The following KLF8 variants were observed in gnomAD, a reference collection of about 807,000 sequenced individuals.
The protein encoded by KLF8 is KLF transcription factor 8.
In KLF8, 10 loss-of-function variants were observed where a neutral mutation model predicts 18.2. The ratio of observed to expected loss-of-function variants is 0.55; its 90% CI spans 0.34 to 0.93. The LOEUF (loss-of-function observed/expected upper bound fraction) is 0.93. Among genes scored for constraint, KLF8 ranks in the 40% least tolerant of loss-of-function variants. The pLI is 0.02. For missense variants in KLF8, 264 were observed against 277.9 expected, an observed-to-expected ratio of 0.95 and a Z score of 0.36; for synonymous variants, 109 against 97.3, an observed-to-expected ratio of 1.12 and a Z score of -0.71.
At chrX:56,199,638 A>G in the KLF8 span, among the ~76,000 whole-genome samples, 1 of 111,855 alleles carries the variant, frequency 8.9e-6, no homozygotes, top group Non-Finnish European at 1.9e-5. Flanking sequence ...TGGTGGGAGT[A>G]TAGATTAGCT....
the KLF8 span, among the ~76,000 whole-genome samples, chrX:56,005,204 G>A: frequency 9.1e-6 from 1 of 110,244 alleles, no homozygotes; most frequent in Non-Finnish European, 1.9e-5. Flanking sequence ...ATTACAGGGG[G>A]GTGGTGTCAG....
chrX:56,184,590 C>T, the KLF8 span, among the ~76,000 whole-genome samples: 12 of 111,696 alleles, frequency 1.1e-4, no homozygotes, highest in African/African-American at 3.6e-4. Context: ...TCCCTGACCC[C>T]GAACTCCTGA....
At chrX:56,152,884 C>T in the KLF8 span, among the ~76,000 whole-genome samples, 1 of 111,938 alleles carries the variant, frequency 8.9e-6, no homozygotes, top group East Asian at 2.8e-4. Context: ...CAGGAACAAG[C>T]CCAGACAGCT....
the KLF8 span, among the ~76,000 whole-genome samples, chrX:56,109,670 G>T: frequency 9.0e-6 from 1 of 111,180 alleles, no homozygotes. Context: ...CTGTTGCTTT[G>T]TGCATGCATG....
At chrX:55,908,644 T>G in the KLF8 span, 2 of 283,323 alleles carry the variant, frequency 7.1e-6, no homozygotes, top group Non-Finnish European at 6.2e-6. Flanking sequence ...ACACCGGCCC[T>G]AGTCGGTGCC....
chrX:56,007,373 C>G, the KLF8 span, among the ~76,000 whole-genome samples: 8 of 111,040 alleles, frequency 7.2e-5, no homozygotes, highest in Non-Finnish European at 1.3e-4. Context: ...ACCCAGCACA[C>G]ACTCCTCTGG....
the KLF8 span, among the ~76,000 whole-genome samples, chrX:56,136,292 G>A: frequency 3.4e-3 from 376 of 111,243 alleles, 1 homozygote; most frequent in African/African-American, 0.012. Flanking sequence ...AGCCCGCATC[G>A]CCAAGTCAAT....
At chrX:55,985,748 C>T in the KLF8 span, among the ~76,000 whole-genome samples, 1 of 110,402 alleles carries the variant, frequency 9.1e-6, no homozygotes, top group Non-Finnish European at 1.9e-5. Flanking sequence ...AATATCAGTT[C>T]TTCCTATTCA....
the KLF8 span, among the ~76,000 whole-genome samples, chrX:56,167,500 A>T: frequency 1.8e-5 from 2 of 111,892 alleles, no homozygotes; most frequent in African/African-American, 6.5e-5. Context: ...GATTAACTCT[A>T]CCGTATTAGC....
the KLF8 span, among the ~76,000 whole-genome samples, chrX:55,952,528 C>G: frequency 8.9e-6 from 1 of 112,256 alleles, no homozygotes. Context: ...TGCATCACTT[C>G]CACCTCTCTG....
chrX:56,079,569 G>T, the KLF8 span, among the ~76,000 whole-genome samples: 6 of 111,425 alleles, frequency 5.4e-5, no homozygotes, highest in African/African-American at 2.0e-4. Context: ...CCAGTATGTG[G>T]TCAATTTTGG....
the KLF8 span, among the ~76,000 whole-genome samples, chrX:56,104,553 G>A: frequency 1.2e-4 from 13 of 111,439 alleles, no homozygotes; most frequent in African/African-American, 3.9e-4. Context: ...TGTGGGATCG[G>A]TGGTGATATT....
At chrX:56,136,274 C>A in the KLF8 span, among the ~76,000 whole-genome samples, 1 of 111,009 alleles carries the variant, frequency 9.0e-6, no homozygotes, top group African/African-American at 3.3e-5. Flanking sequence ...CATATGGAAC[C>A]AAAAAAGAGC....
chrX:56,061,080 G>T, the KLF8 span, among the ~76,000 whole-genome samples: 2 of 111,257 alleles, frequency 1.8e-5, no homozygotes, highest in South Asian at 7.5e-4. Flanking sequence ...TCTGGCTAGA[G>T]GTCTATCTAT....
the KLF8 span, among the ~76,000 whole-genome samples, chrX:56,091,211 A>G: frequency 6.3e-5 from 7 of 111,151 alleles, no homozygotes; most frequent in Admixed American, 6.7e-4. Flanking sequence ...TATTCTTGTG[A>G]TAATGAGTGA....
At chrX:56,218,080 A>G in the KLF8 span, among the ~76,000 whole-genome samples, 1 of 111,740 alleles carries the variant, frequency 8.9e-6, no homozygotes, top group Admixed American at 9.6e-5. Context: ...TTTACATACC[A>G]ACAGCAGAAA....
At chrX:55,923,043 A>T in the KLF8 span, among the ~76,000 whole-genome samples, 4 of 111,404 alleles carry the variant, frequency 3.6e-5, no homozygotes, top group African/African-American at 1.3e-4. Context: ...TCATTGCAGC[A>T]CTATTCACAA....
chrX:55,924,079 A>AT, the KLF8 span, among the ~76,000 whole-genome samples: 7 of 108,477 alleles, frequency 6.5e-5, no homozygotes, highest in Non-Finnish European at 1.2e-4. Context: ...CACCCCTAAC[A>AT]TTTTTTTTTG....
At chrX:56,210,057 C>T in the KLF8 span, among the ~76,000 whole-genome samples, 4 of 111,696 alleles carry the variant, frequency 3.6e-5, no homozygotes, top group Middle Eastern at 9.2e-3. Context: ...ATTCTTTCTA[C>T]TTAAGGTAAA....
Sources: allele counts gnomAD v4.1 joint callset (sites outside exome capture counted in the v4.1 genomes callset), GRCh38; gene constraint gnomAD v4.1.1; transcripts MANE v1.5; gene names NCBI Gene and HGNC (gene_info 2026-07-23, HGNC 2026-07-21).